TFEC: variants seen among roughly 807,000 people sequenced by gnomAD.
TFEC encodes the protein transcription factor EC.
A neutral mutation model predicts 41.6 loss-of-function variants in TFEC; 31 were observed. The ratio of observed to expected loss-of-function variants is 0.74; its 90% CI spans 0.56 to 1.01. The LOEUF (loss-of-function observed/expected upper bound fraction) is 1.01. TFEC is among the 50% of genes least tolerant of loss of function. The pLI is 0.00. For synonymous variants in TFEC, 143 were observed against 140.6 expected (o/e 1.02, Z -0.12); for missense variants, 402 against 404.1 (o/e 0.99, Z 0.04).
chr7:116,021,789 A>C (rs931329053), intron 1 of TFEC, among the ~76,000 whole-genome samples: 2 of 152,172 alleles, frequency 1.3e-5, no homozygotes, highest in Non-Finnish European at 2.9e-5. Flanking sequence ...TTGAGCAGTC[A>C]AGTTCATCAG....
intron 3 of TFEC, among the ~76,000 whole-genome samples, chr7:116,071,050 A>G (rs780418475): frequency 4.6e-5 from 7 of 151,390 alleles, no homozygotes; most frequent in Non-Finnish European, 8.9e-5. Context: ...CAAAGATTCA[A>G]ATGATAAATA....
intron 1 of TFEC, among the ~76,000 whole-genome samples, chr7:116,141,266 A>C (rs907917825): frequency 1.3e-5 from 2 of 152,174 alleles, no homozygotes; most frequent in African/African-American, 4.8e-5. Flanking sequence ...AGAACTGTGA[A>C]AAGGAGCTGG....
chr7:115,985,718 TA>T (rs1793823503), intron 1 of TFEC, among the ~76,000 whole-genome samples: 1 of 152,070 alleles, frequency 6.6e-6, no homozygotes, highest in East Asian at 1.9e-4. Flanking sequence ...TTCAGTCATA[TA>T]AAAAAGATTA....
At chr7:116,029,647 A>G (rs1185390730) in intron 1 of TFEC, among the ~76,000 whole-genome samples, 1 of 151,940 alleles carries the variant, frequency 6.6e-6, no homozygotes, top group Non-Finnish European at 1.5e-5. Flanking sequence ...TTATATAAAT[A>G]TATATGAAAT....
At chr7:116,036,003 T>C (rs1029152766) in intron 3 of TFEC, among the ~76,000 whole-genome samples, 14 of 152,032 alleles carry the variant, frequency 9.2e-5, no homozygotes, top group African/African-American at 3.1e-4. Context: ...CACATAAATA[T>C]TAAATCTCTA....
Position 116,046,668 on chromosome 7 carries a change from G to A in TFEC, c.199-62155C>T, listed in dbSNP as rs141964987. On this transcript the variant is annotated intron_variant, in intron 3 of 8. Transcript: ENST00000484212. Reference sequence around the variant, plus strand: ...AATAGTTAGGCATATAGTGATTTACGTGATGCTTTATACTTGTTTTATACC... The same window carrying A: ...AATAGTTAGGCATATAGTGATTTACATGATGCTTTATACTTGTTTTATACC... 2.1e-4 allele frequency among the ~76,000 whole-genome samples: 32 copies of A among 152,246 alleles called. No homozygotes were observed. The East Asian group carries it at 2.1e-3, about 10-fold the overall frequency.
At chr7:115,992,650 C>T (rs939115336) in intron 1 of TFEC, among the ~76,000 whole-genome samples, 1 of 152,092 alleles carries the variant, frequency 6.6e-6, no homozygotes, top group Non-Finnish European at 1.5e-5. Context: ...CAAGACTAAA[C>T]CAGGAAGAAG....
At chr7:116,036,217 C>T (rs534434491) in intron 3 of TFEC, among the ~76,000 whole-genome samples, 14 of 152,056 alleles carry the variant, frequency 9.2e-5, no homozygotes, top group Non-Finnish European at 1.5e-4. Flanking sequence ...TTAGTTTTAT[C>T]ACACTGAAAA....
At chr7:115,977,833 G>A (rs1017233713) in intron 2 of TFEC, among the ~76,000 whole-genome samples, 1 of 151,828 alleles carries the variant, frequency 6.6e-6, no homozygotes, top group Non-Finnish European at 1.5e-5. Context: ...ACAAGGAGAT[G>A]AGACCATACT....
intron 3 of TFEC, chr7:115,968,361 G>A (rs1792970343): frequency 2.9e-6 from 4 of 1,385,306 alleles, no homozygotes; most frequent in Non-Finnish European, 3.7e-6. Context: ...TGTCTAGATT[G>A]TGATTGACAA....
chr7:116,059,451 C>T (rs970429769), intron 3 of TFEC, among the ~76,000 whole-genome samples: 1 of 151,836 alleles, frequency 6.6e-6, no homozygotes, highest in African/African-American at 2.4e-5. Flanking sequence ...CCGTACTCCT[C>T]CAGAAAATTA....
chr7:116,110,666 C>A, intron 3 of TFEC: 1 of 1,227,940 alleles, frequency 8.1e-7, no homozygotes, highest in Non-Finnish European at 1.0e-6. Flanking sequence ...AGTTACTATA[C>A]TTACTTAGAA....
chr7:116,102,830 G>T (rs73719109), intron 3 of TFEC, among the ~76,000 whole-genome samples: 22,748 of 152,166 alleles, frequency 0.15, 1,733 homozygotes, highest in South Asian at 0.2. Flanking sequence ...TGAATGTGTA[G>T]CTCAGAGGAG....
intron 1 of TFEC, among the ~76,000 whole-genome samples, chr7:116,017,196 C>T (rs1266615015): frequency 6.6e-6 from 1 of 152,146 alleles, no homozygotes; most frequent in African/African-American, 2.4e-5. Context: ...GTTCTCCCAT[C>T]TAAAATCTTT....
At chr7:116,054,091 C>CT (rs1796375489) in intron 3 of TFEC, among the ~76,000 whole-genome samples, 1 of 152,136 alleles carries the variant, frequency 6.6e-6, no homozygotes, top group Admixed American at 6.5e-5. Flanking sequence ...GGTAGTCTGG[C>CT]TTTGTATACT....
At chr7:115,966,914 T>C (rs1226916317) in intron 3 of TFEC, among the ~76,000 whole-genome samples, 1 of 151,784 alleles carries the variant, frequency 6.6e-6, no homozygotes, top group Non-Finnish European at 1.5e-5. Flanking sequence ...CCTAATAACA[T>C]GGGGCTAACA....
rs1222929261 is a variant in TFEC, at chr7:116,155,948, T to C, written c.-69+3842A>G. Among the ~76,000 whole-genome samples, 3 of 152,190 alleles carry C rather than the reference T, an allele frequency of 2.0e-5. No individual in the cohort carries two copies. In the East Asian group the frequency reaches 5.8e-4, roughly 29 times the overall value. ...TTTGATACTTTATGCATTACAGAGTTTGGGGCGTAAATTTTGATTTTTAAA... is the reference window on the plus strand; with the variant it reads ...TTTGATACTTTATGCATTACAGAGTCTGGGGCGTAAATTTTGATTTTTAAA... On this transcript the variant is annotated intron_variant, in intron 1 of 8. Coordinates refer to the TFEC transcript ENST00000484212.
intron 3 of TFEC, among the ~76,000 whole-genome samples, chr7:116,080,638 T>C (rs571105916): frequency 1.1e-4 from 17 of 152,108 alleles, no homozygotes; most frequent in Admixed American, 6.6e-4. Flanking sequence ...AAAACCACAA[T>C]GCAGTGCCAC....
At chr7:116,025,509 C>T (rs1199021544) in intron 1 of TFEC, among the ~76,000 whole-genome samples, 1 of 152,186 alleles carries the variant, frequency 6.6e-6, no homozygotes, top group African/African-American at 2.4e-5. Context: ...CCACCAGACA[C>T]TTCAACCTTC....
Sources: gnomAD v4.1 joint callset for allele counts (sites outside exome capture counted in the v4.1 genomes callset) on GRCh38, gnomAD v4.1.1 for gene constraint, MANE v1.5 for transcripts, NCBI Gene and HGNC (gene_info 2026-07-23, HGNC 2026-07-21) for gene names.